Variants in SLC24A2 observed in about 807,000 individuals in gnomAD.
The protein encoded by SLC24A2 is solute carrier family 24 member 2.
SLC24A2 carries 36 observed loss-of-function variants against 62.0 expected under a neutral mutation model. That is an observed-to-expected ratio of 0.58 (90% CI 0.44 to 0.77). SLC24A2 has a LOEUF of 0.77. Ranked by LOEUF, SLC24A2 falls within the 30% of genes least tolerant of loss-of-function variation. The pLI is 0.00. For missense variants in SLC24A2, 846 were observed against 817.9 expected (o/e 1.03, Z -0.42); for synonymous variants, 358 against 294.0 (o/e 1.22, Z -2.23).
chr9:19,727,167 A>T (rs1376644080), intron 2 of SLC24A2, among the ~76,000 whole-genome samples: 1 of 152,166 alleles, frequency 6.6e-6, no homozygotes, highest in Non-Finnish European at 1.5e-5. Context: ...CTATCAAGCA[A>T]ATCTGCTGGC....
the SLC24A2 span, among the ~76,000 whole-genome samples, chr9:19,797,867 A>C: frequency 6.6e-6 from 1 of 152,192 alleles, no homozygotes; most frequent in Non-Finnish European, 1.5e-5. Context: ...GTGTTTGCAG[A>C]TATAACTGCA....
At chr9:20,099,591 G>A in the SLC24A2 span, among the ~76,000 whole-genome samples, 1 of 152,106 alleles carries the variant, frequency 6.6e-6, no homozygotes, top group South Asian at 2.1e-4. Context: ...TTTTGTGCTT[G>A]TATTAAAGGC....
intron 7 of SLC24A2, among the ~76,000 whole-genome samples, chr9:19,561,271 T>A (rs995531985): frequency 6.6e-6 from 1 of 151,754 alleles, no homozygotes; most frequent in East Asian, 1.9e-4. Flanking sequence ...TCTACTCTGT[T>A]CTTATCCTCT....
At chr9:20,264,289 T>C in the SLC24A2 span, among the ~76,000 whole-genome samples, 2 of 152,240 alleles carry the variant, frequency 1.3e-5, no homozygotes, top group Non-Finnish European at 2.9e-5. Context: ...GAAGATTACA[T>C]GAGTTCCTGC....
chr9:20,127,561 C>T, the SLC24A2 span, among the ~76,000 whole-genome samples: 1 of 152,102 alleles, frequency 6.6e-6, no homozygotes, highest in African/African-American at 2.4e-5. Context: ...GATGGGACCT[C>T]TCTGTGAGTC....
At chr9:19,881,760 ACT>A in the SLC24A2 span, among the ~76,000 whole-genome samples, 1 of 152,096 alleles carries the variant, frequency 6.6e-6, no homozygotes, top group Non-Finnish European at 1.5e-5. Flanking sequence ...ATGTAATACC[ACT>A]GTCTTATTAC....
intron 2 of SLC24A2, among the ~76,000 whole-genome samples, chr9:19,735,929 CACA>C (rs1268663645): frequency 1.3e-5 from 2 of 151,958 alleles, no homozygotes; most frequent in Non-Finnish European, 2.9e-5. Context: ...ATGAGTGCAG[CACA>C]ACAACATGGC....
the SLC24A2 span, among the ~76,000 whole-genome samples, chr9:20,252,073 T>C: frequency 6.6e-6 from 1 of 152,288 alleles, no homozygotes; most frequent in African/African-American, 2.4e-5. Context: ...CATGAGAGAA[T>C]TATTTCAGTT....
At chr9:20,175,793 T>C in the SLC24A2 span, among the ~76,000 whole-genome samples, 6 of 152,082 alleles carry the variant, frequency 3.9e-5, no homozygotes, top group Non-Finnish European at 7.4e-5. Flanking sequence ...TTCCTTTAGA[T>C]TGAAAATCAT....
chr9:19,940,045 T>G, the SLC24A2 span, among the ~76,000 whole-genome samples: 1 of 152,348 alleles, frequency 6.6e-6, no homozygotes, highest in Middle Eastern at 3.4e-3. Flanking sequence ...ACGACACCCT[T>G]GGGGGTTTGA....
the SLC24A2 span, among the ~76,000 whole-genome samples, chr9:20,229,292 T>A: frequency 6.6e-5 from 10 of 152,266 alleles, no homozygotes; most frequent in African/African-American, 1.9e-4. Flanking sequence ...GATCAAGTGC[T>A]TTGACCTGTT....
the SLC24A2 span, among the ~76,000 whole-genome samples, chr9:19,845,250 C>T: frequency 2.6e-5 from 4 of 151,966 alleles, no homozygotes; most frequent in African/African-American, 9.7e-5. Flanking sequence ...AGATGCATTC[C>T]TAGGTATTTA....
At chr9:20,107,971 G>A in the SLC24A2 span, among the ~76,000 whole-genome samples, 16,941 of 152,046 alleles carry the variant, frequency 0.11, 1,001 homozygotes, top group Middle Eastern at 0.17. Context: ...TGTAGATCCA[G>A]AATCTACAAT....
chr9:20,110,502 C>T, the SLC24A2 span, among the ~76,000 whole-genome samples: 1 of 151,666 alleles, frequency 6.6e-6, no homozygotes, highest in African/African-American at 2.4e-5. Context: ...TTATAACAAT[C>T]AAAGGCTGAC....
the SLC24A2 span, among the ~76,000 whole-genome samples, chr9:19,950,845 T>C: frequency 4.3e-4 from 65 of 151,880 alleles, no homozygotes; most frequent in Non-Finnish European, 8.1e-4. Context: ...AAGTGAAAAA[T>C]AGATTGAAAC....
At chr9:20,113,325 G>C in the SLC24A2 span, among the ~76,000 whole-genome samples, 4 of 152,200 alleles carry the variant, frequency 2.6e-5, no homozygotes, top group African/African-American at 9.6e-5. Context: ...TCAATTCTCT[G>C]TGCCTCCATT....
the SLC24A2 span, among the ~76,000 whole-genome samples, chr9:19,918,519 A>T: frequency 6.6e-6 from 1 of 151,404 alleles, no homozygotes; most frequent in Non-Finnish European, 1.5e-5. Flanking sequence ...TCTCCTTTCC[A>T]CATCTCTGAT....
chr9:20,231,577 C>T, the SLC24A2 span, among the ~76,000 whole-genome samples: 62,885 of 151,928 alleles, frequency 0.41, 15,736 homozygotes, highest in East Asian at 0.75. Flanking sequence ...TTTGTGCACA[C>T]TGATTTTGTA....
chr9:19,801,410 G>T, the SLC24A2 span, among the ~76,000 whole-genome samples: 1 of 152,176 alleles, frequency 6.6e-6, no homozygotes, highest in Non-Finnish European at 1.5e-5. Flanking sequence ...GTCAGCGGCG[G>T]GTCTGCAATG....
Sources: gnomAD v4.1 joint callset for allele counts (sites outside exome capture counted in the v4.1 genomes callset) on GRCh38, gnomAD v4.1.1 for gene constraint, MANE v1.5 for transcripts, NCBI Gene and HGNC (gene_info 2026-07-23, HGNC 2026-07-21) for gene names.